Variants in DLGAP1 observed in about 807,000 individuals in gnomAD.
The protein encoded by DLGAP1 is disks large-associated protein 1.
Under a neutral mutation model 90.8 loss-of-function variants are expected in DLGAP1, and 11 were observed. The ratio of observed to expected loss-of-function variants is 0.12; its 90% CI spans 0.08 to 0.20. DLGAP1 has a LOEUF of 0.20. Ranked by LOEUF, DLGAP1 falls within the 10% of genes least tolerant of loss-of-function variation. The pLI is 1.00. For synonymous variants in DLGAP1, 558 were observed against 540.7 expected (o/e 1.03, Z -0.44); for missense variants, 1,050 against 1,333.8 (o/e 0.79, Z 3.31).
At chr18:3,909,612 TTCTC>T (rs1291414016) in intron 3 of DLGAP1, among the ~76,000 whole-genome samples, 3 of 152,190 alleles carry the variant, frequency 2.0e-5, no homozygotes, top group Non-Finnish European at 2.9e-5. Context: ...TAAAAACTCT[TTCTC>T]TCTTTCTCTT....
At chr18:3,918,303 C>T (rs778054863) in intron 3 of DLGAP1, among the ~76,000 whole-genome samples, 22 of 152,250 alleles carry the variant, frequency 1.4e-4, no homozygotes, top group Middle Eastern at 3.4e-3. Flanking sequence ...ATTTCAAGTA[C>T]GTAAACTGAA....
intron 8 of DLGAP1, among the ~76,000 whole-genome samples, chr18:3,569,163 A>G (rs1466698293): frequency 6.6e-6 from 1 of 150,736 alleles, no homozygotes; most frequent in Non-Finnish European, 1.5e-5. Flanking sequence ...CACCATGCCC[A>G]GCTAATTTTT....
chr18:4,382,987 T>G (rs2082160572), intron 1 of DLGAP1, among the ~76,000 whole-genome samples: 1 of 152,124 alleles, frequency 6.6e-6, no homozygotes, highest in African/African-American at 2.4e-5. Context: ...CCAGCCAGTA[T>G]ATCAGTAACT....
intron 7 of DLGAP1, among the ~76,000 whole-genome samples, chr18:3,728,900 G>A (rs186111700): frequency 5.1e-4 from 77 of 152,178 alleles, no homozygotes; most frequent in African/African-American, 1.8e-3. Flanking sequence ...CCCTCATGGT[G>A]CCGTTGTTGC....
intron 4 of DLGAP1, among the ~76,000 whole-genome samples, chr18:3,838,081 A>G (rs1489742069): frequency 6.6e-6 from 1 of 152,162 alleles, no homozygotes; most frequent in Non-Finnish European, 1.5e-5. Context: ...GGCAGAGACA[A>G]TTTTAGAATA....
At chr18:3,588,851 G>C (rs1033299463) in intron 7 of DLGAP1, among the ~76,000 whole-genome samples, 4 of 151,662 alleles carry the variant, frequency 2.6e-5, no homozygotes, top group Non-Finnish European at 4.4e-5. Flanking sequence ...TTTCAGCTTC[G>C]AGCTAGCTCA....
At chr18:4,391,251 C>T (rs995475188) in intron 1 of DLGAP1, among the ~76,000 whole-genome samples, 3 of 152,166 alleles carry the variant, frequency 2.0e-5, no homozygotes, top group African/African-American at 2.4e-5. Flanking sequence ...GAAACTCAAC[C>T]GGGTCACTTT....
intron 1 of DLGAP1, among the ~76,000 whole-genome samples, chr18:4,298,473 G>A (rs2080038703): frequency 6.6e-6 from 1 of 152,136 alleles, no homozygotes; most frequent in African/African-American, 2.4e-5. Flanking sequence ...GTCCTTTGTA[G>A]GGACATGGAT....
chr18:4,101,370 T>A (rs1200585337), intron 2 of DLGAP1, among the ~76,000 whole-genome samples: 2 of 152,178 alleles, frequency 1.3e-5, no homozygotes, highest in African/African-American at 4.8e-5. Flanking sequence ...TGCTGCCTTA[T>A]ATGGGTGCAG....
At chr18:4,370,265 A>T (rs1386826212) in intron 1 of DLGAP1, among the ~76,000 whole-genome samples, 1 of 152,204 alleles carries the variant, frequency 6.6e-6, no homozygotes, top group Non-Finnish European at 1.5e-5. Flanking sequence ...AGATCAGGGC[A>T]AGGGAAAGAA....
intron 3 of DLGAP1, among the ~76,000 whole-genome samples, chr18:3,962,802 A>C (rs11878127): frequency 0.015 from 2,250 of 152,190 alleles, 51 homozygotes; most frequent in African/African-American, 0.05. Context: ...GTCTTATTTT[A>C]TTGAATATTT....
intron 3 of DLGAP1, among the ~76,000 whole-genome samples, chr18:3,954,232 A>T (rs11081078): frequency 6.6e-6 from 1 of 152,064 alleles, no homozygotes; most frequent in Non-Finnish European, 1.5e-5. Flanking sequence ...TCTTCCTAAA[A>T]ACATATTATC....
chr18:3,816,014 A>T (rs1037341009), intron 4 of DLGAP1, among the ~76,000 whole-genome samples: 2 of 152,212 alleles, frequency 1.3e-5, no homozygotes, highest in African/African-American at 4.8e-5. Flanking sequence ...AAAGGCTTTT[A>T]ATATTTTGAT....
At chr18:3,785,864 G>A (rs1396393267) in intron 5 of DLGAP1, among the ~76,000 whole-genome samples, 2 of 152,222 alleles carry the variant, frequency 1.3e-5, no homozygotes, top group Non-Finnish European at 2.9e-5. Flanking sequence ...GCAGGTCAGA[G>A]AGACCTTGAG....
At chr18:3,712,036 G>A (rs928108082) in intron 7 of DLGAP1, among the ~76,000 whole-genome samples, 8 of 152,094 alleles carry the variant, frequency 5.3e-5, no homozygotes, top group African/African-American at 9.7e-5. Context: ...CACTGACCCC[G>A]GTGGGGTGGC....
chr18:3,943,660 A>C (rs2148952589), intron 3 of DLGAP1, among the ~76,000 whole-genome samples: 1 of 152,294 alleles, frequency 6.6e-6, no homozygotes, highest in Middle Eastern at 3.4e-3. Context: ...ACAGCCTATA[A>C]TTCATTTTTT....
chr18:4,026,021 C>T (rs1159484371), intron 2 of DLGAP1, among the ~76,000 whole-genome samples: 3 of 152,142 alleles, frequency 2.0e-5, no homozygotes, highest in African/African-American at 4.8e-5. Context: ...AAGACAGTCC[C>T]CACTCTTTTC....
At chr18:3,568,228 T>A (rs1376598420) in intron 8 of DLGAP1, among the ~76,000 whole-genome samples, 1 of 152,164 alleles carries the variant, frequency 6.6e-6, no homozygotes, top group Non-Finnish European at 1.5e-5. Flanking sequence ...GATAACAACA[T>A]ACAAAATAAA....
intron 1 of DLGAP1, among the ~76,000 whole-genome samples, chr18:4,259,826 G>A (rs2078969362): frequency 6.6e-6 from 1 of 152,152 alleles, no homozygotes; most frequent in African/African-American, 2.4e-5. Context: ...GTTGATTAAC[G>A]AAGTAGACAT....
Sources: gnomAD v4.1 joint callset for allele counts (sites outside exome capture counted in the v4.1 genomes callset) on GRCh38, gnomAD v4.1.1 for gene constraint, MANE v1.5 for transcripts, NCBI Gene and HGNC (gene_info 2026-07-23, HGNC 2026-07-21) for gene names.